Variants in MYRIP observed in about 807,000 individuals in gnomAD.
MYRIP encodes the protein rab effector MyRIP.
MYRIP carries 49 observed loss-of-function variants against 98.0 expected under a neutral mutation model. The ratio of observed to expected loss-of-function variants is 0.50; its 90% confidence interval spans 0.40 to 0.63. MYRIP has a LOEUF of 0.63. Among genes scored for constraint, MYRIP ranks in the 30% least tolerant of loss-of-function variants. The pLI is 0.00. For synonymous variants in MYRIP, 404 were observed against 409.5 expected (o/e 0.99, Z 0.16); for missense variants, 1,004 against 1,058.2 (o/e 0.95, Z 0.71).
chr3:39,995,287 G>GA (rs972787114), intron 2 of MYRIP, among the ~76,000 whole-genome samples: 8 of 152,014 alleles, frequency 5.3e-5, no homozygotes, highest in East Asian at 1.9e-4. Flanking sequence ...TAAAAACCTT[G>GA]AAAAAAAATT....
intron 2 of MYRIP, among the ~76,000 whole-genome samples, chr3:39,959,866 T>C (rs1025392372): frequency 2.0e-5 from 3 of 152,150 alleles, no homozygotes; most frequent in Admixed American, 6.6e-5. Context: ...TGAATGGCAG[T>C]GCTCCTGTCT....
rs550146464 is a variant in MYRIP, at chr3:40,205,763, AGTT to A, written c.1666-4085_1666-4083del. On this transcript the variant is annotated intron_variant, in intron 10 of 16. Coordinates refer to ENST00000302541, the MANE Select transcript of MYRIP (RefSeq NM_015460.4). ...GTGAGTATGTTTGGTGTTTCAGTGAAGTTGTTGTGATAATCAGGGTCCCTTTGA... is the reference window on the plus strand; with the variant it reads ...GTGAGTATGTTTGGTGTTTCAGTGAAGTTGTGATAATCAGGGTCCCTTTGA... Among the ~76,000 whole-genome samples the A allele has an allele frequency of 1.6e-3, 249 of 151,962 alleles. 1 individual carries two copies. Among genetic ancestry groups the A allele is most frequent in the African/African-American group, 3.4e-3 (140 of 41,418 alleles).
At chr3:40,216,096 A>C (rs1352779974) in intron 11 of MYRIP, among the ~76,000 whole-genome samples, 2 of 152,246 alleles carry the variant, frequency 1.3e-5, no homozygotes, top group African/African-American at 4.8e-5. Context: ...CTCTTTAGGC[A>C]AAGATGGACT....
intron 3 of MYRIP, among the ~76,000 whole-genome samples, chr3:40,103,390 GTA>G (rs1948988293): frequency 6.6e-6 from 1 of 152,228 alleles, no homozygotes; most frequent in African/African-American, 2.4e-5. Context: ...TTCATCTAAT[GTA>G]CACACTCAGA....
chr3:40,172,523 T>C (rs1287383563), intron 8 of MYRIP, among the ~76,000 whole-genome samples: 3 of 152,208 alleles, frequency 2.0e-5, no homozygotes, highest in Non-Finnish European at 4.4e-5. Flanking sequence ...GGCAGGTGAC[T>C]AAATGAGACG....
At chr3:40,084,288 TATCGATATATAATACAC>T (rs1414133426) in intron 3 of MYRIP, among the ~76,000 whole-genome samples, 5 of 120,786 alleles carry the variant, frequency 4.1e-5, no homozygotes, top group African/African-American at 1.2e-4. Context: ...ATGTATTATA[TATCGATATATAATACAC>T]ATCTATGTAT....
chr3:39,996,935 T>A (rs1159008285), intron 2 of MYRIP, among the ~76,000 whole-genome samples: 2 of 152,166 alleles, frequency 1.3e-5, no homozygotes, highest in African/African-American at 4.8e-5. Flanking sequence ...GAATGACTAC[T>A]GGGTACGTAA....
At chr3:39,948,575 G>T (rs1944947579) in intron 2 of MYRIP, among the ~76,000 whole-genome samples, 1 of 152,040 alleles carries the variant, frequency 6.6e-6, no homozygotes, top group South Asian at 2.1e-4. Context: ...CATTGGTGAA[G>T]ATTAAACACT....
chr3:39,975,071 A>C (rs953476235), intron 2 of MYRIP, among the ~76,000 whole-genome samples: 1 of 152,176 alleles, frequency 6.6e-6, no homozygotes, highest in African/African-American at 2.4e-5. Flanking sequence ...AAGGAAATAA[A>C]GGGTATTCAA....
chr3:39,885,584 C>T (rs1943274025), intron 1 of MYRIP, among the ~76,000 whole-genome samples: 1 of 151,898 alleles, frequency 6.6e-6, no homozygotes, highest in African/African-American at 2.4e-5. Flanking sequence ...TAATATCCCG[C>T]AGAGTGTTTT....
chr3:39,939,052 G>A (rs1359046981), intron 2 of MYRIP, among the ~76,000 whole-genome samples: 1 of 152,164 alleles, frequency 6.6e-6, no homozygotes, highest in Non-Finnish European at 1.5e-5. Context: ...CAGAGTGATA[G>A]TGCAGTCAGC....
At chr3:39,825,237 A>G (rs1030340728) in intron 1 of MYRIP, among the ~76,000 whole-genome samples, 1 of 152,142 alleles carries the variant, frequency 6.6e-6, no homozygotes, top group Non-Finnish European at 1.5e-5. Flanking sequence ...ATGTTGAATA[A>G]AAGTGGTGAT....
At chr3:40,218,619 TA>T (rs1366509294) in intron 11 of MYRIP, among the ~76,000 whole-genome samples, 150 of 17,504 alleles carry the variant, frequency 8.6e-3, no homozygotes, top group African/African-American at 0.017. Context: ...ATTTTATATA[TA>T]TATATATATA....
intron 1 of MYRIP, among the ~76,000 whole-genome samples, chr3:39,817,754 A>G (rs1445800965): frequency 2.6e-5 from 4 of 152,158 alleles, no homozygotes; most frequent in Non-Finnish European, 5.9e-5. Flanking sequence ...TGTATTGTAT[A>G]GTGTGGTTCT....
chr3:39,990,761 C>A (rs922498730), intron 2 of MYRIP, among the ~76,000 whole-genome samples: 1 of 152,120 alleles, frequency 6.6e-6, no homozygotes, highest in South Asian at 2.1e-4. Flanking sequence ...GCAGGGCTGC[C>A]CTCTAGTGGA....
chr3:39,876,481 G>A (rs561034844), intron 1 of MYRIP, among the ~76,000 whole-genome samples: 1 of 152,164 alleles, frequency 6.6e-6, no homozygotes, highest in African/African-American at 2.4e-5. Context: ...GGTTGGTACC[G>A]GTTGTTCCTT....
At chr3:39,857,254 G>GAA (rs200721003) in intron 1 of MYRIP, among the ~76,000 whole-genome samples, 53,175 of 139,694 alleles carry the variant, frequency 0.38, 11,494 homozygotes, top group African/African-American at 0.57. Flanking sequence ...AGGGAGGGAG[G>GAA]GAGGAAGGAA....
chr3:39,980,473 T>A (rs780048811), intron 2 of MYRIP, among the ~76,000 whole-genome samples: 2 of 152,196 alleles, frequency 1.3e-5, no homozygotes, highest in Non-Finnish European at 2.9e-5. Flanking sequence ...ACCATCAGCA[T>A]CCACTACAGA....
At chr3:39,843,933 G>T (rs536069008) in intron 1 of MYRIP, among the ~76,000 whole-genome samples, 5 of 152,174 alleles carry the variant, frequency 3.3e-5, no homozygotes, top group Non-Finnish European at 5.9e-5. Flanking sequence ...CATGTTGTTG[G>T]CCTCATGGGG....
Sources: gnomAD v4.1 joint callset for allele counts (sites outside exome capture counted in the v4.1 genomes callset) on GRCh38, gnomAD v4.1.1 for gene constraint, MANE v1.5 for transcripts, NCBI Gene and HGNC (gene_info 2026-07-23, HGNC 2026-07-21) for gene names.